Variants in F5 observed in about 807,000 individuals in gnomAD.
F5 encodes activated protein c cofactor.
Under a neutral mutation model 216.4 loss-of-function variants are expected in F5, and 138 were observed. The observed-to-expected ratio is 0.64, with a 90% CI of 0.56 to 0.73. The LOEUF is 0.73. Among genes scored for constraint, F5 ranks in the 30% least tolerant of loss-of-function variants. The pLI, the probability that F5 is intolerant of heterozygous loss-of-function variation, is 0.00. For synonymous variants in F5, 916 were observed against 930.7 expected, an observed-to-expected ratio of 0.98 and a Z score of 0.29; for missense variants, 2,403 against 2,674.0, an observed-to-expected ratio of 0.90 and a Z score of 2.24.
At chr1:169,522,242 C>T (rs1659327207) in intron 21 of F5, among the ~76,000 whole-genome samples, 2 of 152,062 alleles carry the variant, frequency 1.3e-5, no homozygotes, top group Admixed American at 1.3e-4. Context: ...ACTAGTGATT[C>T]CTACCAAATA....
chr1:169,520,375 A>C, intron 22 of F5, 145 bp downstream of exon 22: 1 of 966,376 alleles, frequency 1.0e-6, no homozygotes, highest in Non-Finnish European at 1.6e-6. Flanking sequence ...CTGAGAGTTT[A>C]CCTGAGTAGA....
chr1:169,524,901 C>G lies in F5; in HGVS notation c.5724G>C (p.Arg1908Ser). 1.9e-6 allele frequency: 3 copies of G among 1,613,120 alleles called. No individual in the cohort carries two copies. The highest frequency in any genetic ancestry group is 2.5e-6 in the Non-Finnish European group (3 of 1,179,318). The change falls in exon 19 of 25, where the codon AGG becomes AGC. Residue 1908 changes from arginine (R) to serine (S), a missense_variant. This residue lies in a region of F5 where 659 missense variants were observed against 787.9 expected (regional missense o/e 0.84). Coordinates refer to ENST00000367797, the MANE Select transcript of F5 (RefSeq NM_000130.5). ...TACCAGTGCTTAGTCCCATTGGCAT[C>G]CTACAGTCTATGAAAAACAGAAAAA... The part of the protein sequence containing the change: ...TPFLIMDRDC[R>S]MPMGLSTGII...
chr1:169,550,850 TAC>T, intron 8 of F5, 111 bp from the exon 9 acceptor site: 1 of 784,466 alleles, frequency 1.3e-6, no homozygotes, highest in Non-Finnish European at 2.2e-6. Flanking sequence ...TATACATGTG[TAC>T]ACACAGTAGG....
intron 15 of F5, among the ~76,000 whole-genome samples, chr1:169,530,530 G>T (rs1011628359): frequency 6.6e-6 from 1 of 152,148 alleles, no homozygotes; most frequent in Non-Finnish European, 1.5e-5. Context: ...GTAAATGTAG[G>T]CATTCTAATT....
At chr1:169,538,744 T>C (rs1557571) in intron 13 of F5, among the ~76,000 whole-genome samples, 8,354 of 152,200 alleles carry the variant, frequency 0.055, 355 homozygotes, top group Admixed American at 0.1. Flanking sequence ...GACAAAATTA[T>C]AGAAATGGAG....
intron 21 of F5, among the ~76,000 whole-genome samples, chr1:169,521,546 T>C (rs1659306773): frequency 6.6e-6 from 1 of 151,444 alleles, no homozygotes; most frequent in Admixed American, 6.6e-5. Context: ...TTGGAGCAGG[T>C]ATCGGTAATA....
At position 169,514,392 on chromosome 1, in the gene F5, C is replaced by A; in HGVS notation, c.6596G>T (p.Arg2199Met). The A allele has an allele frequency of 6.2e-7, 1 of 1,613,248 alleles. No homozygotes were observed. Among genetic ancestry groups the A allele is most frequent in the Non-Finnish European group, 8.5e-7 (1 of 1,179,492 alleles). Reference protein sequence around the residue: ...KNFFNPPIISRFIRVIPKTWN... With the variant: ...KNFFNPPIISMFIRVIPKTWN... Reference sequence around the variant, plus strand: ...TGTTTTAGGAATGACACGGATAAACCTGGAAATGATTGGGGGGTTGAAAAA... The same window carrying A: ...TGTTTTAGGAATGACACGGATAAACATGGAAATGATTGGGGGGTTGAAAAA... The change falls in exon 25 of 25, where the codon AGG becomes ATG. Residue 2199 changes from arginine to methionine, a missense_variant. Arg to Met is a moderately conservative substitution (Grantham distance 91). This residue lies in a region of F5 where 659 missense variants were observed against 787.9 expected (regional missense o/e 0.84). Coordinates refer to ENST00000367797, the MANE Select transcript of F5 (RefSeq NM_000130.5).
chr1:169,565,795 T>C (rs1660585723), intron 3 of F5, among the ~76,000 whole-genome samples: 2 of 152,042 alleles, frequency 1.3e-5, no homozygotes, highest in Admixed American at 1.3e-4. Flanking sequence ...GTTTGTGAAC[T>C]TTGCGCTAGC....
intron 1 of F5, among the ~76,000 whole-genome samples, chr1:169,583,782 TG>T (rs1183695576): frequency 3.3e-5 from 5 of 152,218 alleles, no homozygotes; most frequent in African/African-American, 1.2e-4. Context: ...ATACAGAAAC[TG>T]TGTTAATATG....
chr1:169,552,769 C>G (rs983631606), intron 7 of F5, 35 bp from the exon 8 acceptor site: 4 of 1,496,200 alleles, frequency 2.7e-6, no homozygotes, highest in African/African-American at 2.8e-5. Flanking sequence ...AAACCACTTT[C>G]TCAAATAGAG....
At position 169,513,197 on chromosome 1, in the gene F5, C is replaced by T. The variant is rs1391811784; in HGVS notation, c.*1116G>A. ...TACATAACATTTTGATATATGTACA[C>T]GTTACAGGATGATTAAATCAAGCTA... On this transcript the variant is annotated 3_prime_UTR_variant, in exon 25 of 25. Coordinates refer to ENST00000367797, the MANE Select transcript of F5 (RefSeq NM_000130.5). 1.3e-5 allele frequency among the ~76,000 whole-genome samples: 2 copies of T among 151,904 alleles called. No individual in the cohort carries two copies. Among genetic ancestry groups the T allele is most frequent in the African/African-American group, 4.8e-5 (2 of 41,360 alleles).
intron 12 of F5, among the ~76,000 whole-genome samples, chr1:169,543,608 A>C (rs549667901): frequency 1.3e-5 from 2 of 152,194 alleles, no homozygotes; most frequent in Non-Finnish European, 2.9e-5. Context: ...AGACATTTAG[A>C]TGTTTCTAAG....
intron 2 of F5, among the ~76,000 whole-genome samples, chr1:169,572,724 C>A (rs9332521): frequency 0.016 from 2,467 of 152,268 alleles, 66 homozygotes; most frequent in African/African-American, 0.056. Context: ...ATTTCTCTGA[C>A]ATGGGTGTGC....
In F5 at chr1:169,513,504, C is replaced by A. The variant is rs1571554030; in HGVS notation, c.*809G>T. ...AAACTTTAACTGCTTGCCAGTTTGG[C>A]CAGAGGTCTCTTTGAGCAGGAACAA... On this transcript the variant is annotated 3_prime_UTR_variant, in exon 25 of 25. Transcript: ENST00000367797. 6.6e-6 allele frequency among the ~76,000 whole-genome samples: 1 copy of A among 152,098 alleles called. No individual in the cohort carries two copies. Among genetic ancestry groups the A allele is most frequent in the African/African-American group, 2.4e-5 (1 of 41,412 alleles).
intron 13 of F5, among the ~76,000 whole-genome samples, chr1:169,539,548 A>T (rs1659785429): frequency 6.6e-6 from 1 of 152,232 alleles, no homozygotes; most frequent in Non-Finnish European, 1.5e-5. Context: ...TCTAATGTGG[A>T]GATGTCAGGC....
intron 3 of F5, among the ~76,000 whole-genome samples, chr1:169,562,429 T>C (rs1660504856): frequency 6.6e-6 from 1 of 152,152 alleles, no homozygotes; most frequent in Admixed American, 6.6e-5. Flanking sequence ...TTCAATCTTA[T>C]TTGTTTCTTA....
rs1659837986 is a variant in F5 at position 169,541,204 on chromosome 1, G to C, written c.3886C>G (p.Pro1296Ala). The change falls in exon 13 of 25, where the codon CCA becomes GCA. Residue 1296 changes from proline (P) to alanine (A), a missense_variant. Physicochemically the swap from Pro to Ala is conservative, Grantham distance 27. Around this residue, in one of 4 missense-constraint regions of F5, gnomAD observed 26 missense variants for 60.6 expected, o/e 0.43. Transcript: ENST00000367797. Reference sequence around the variant, plus strand: ...GAGAGAGTCATATGGCTGAGTTCTGGAGAGAGGTTTGTCTGGCTGAAGTCT... The same window carrying C: ...GAGAGAGTCATATGGCTGAGTTCTGCAGAGAGGTTTGTCTGGCTGAAGTCT... The part of the protein sequence containing the change: ...SLDFSQTNLS[P>A]ELSHMTLSPE... 1 of 1,592,174 alleles carries C rather than the reference G, an allele frequency of 6.3e-7. No individual in the cohort carries two copies. Among genetic ancestry groups the C allele is most frequent in the Middle Eastern group, 1.7e-4 (1 of 5,976 alleles).
Position 169,543,020 on chromosome 1 carries a change from TTCA to T in F5, c.2067_2069del (p.Asp689del), listed in dbSNP as rs771330171. 13 of 1,613,934 alleles carry T rather than the reference TTCA, an allele frequency of 8.1e-6. No homozygotes were observed. The East Asian group carries it at 2.9e-4, about 36-fold the overall frequency. On this transcript the variant is annotated inframe_deletion, in exon 13 of 25. Coordinates refer to ENST00000367797, the MANE Select transcript of F5 (RefSeq NM_000130.5). ...GAGGTTCAAAAATCTCATATGAGTCTTCATCATCATCTGGGATACATTTAACAT... is the reference window on the plus strand; with the variant it reads ...GAGGTTCAAAAATCTCATATGAGTCTTCATCATCTGGGATACATTTAACAT...
Position 169,586,321 on chromosome 1 carries a change from C to G in F5, c.66G>C (p.Gly22=). 6.2e-7 allele frequency: 1 copy of G among 1,614,050 alleles called. No homozygotes were observed. The highest frequency in any genetic ancestry group is 8.5e-7 in the Non-Finnish European group (1 of 1,180,008). Residue 22 remains glycine, a synonymous_variant, in exon 1 of 25, where the codon GGG becomes GGC. Transcript: ENST00000367797. ...GCTGTGCCGCTTCTGTCCCTTGGCT[C>G]CCCCAGCCTACCCAGCTGGTGCCCA... ...VVLGTSWVGW[G]SQGTEAAQLR...
Sources: allele counts gnomAD v4.1 joint callset (sites outside exome capture counted in the v4.1 genomes callset), GRCh38; gene constraint gnomAD v4.1.1; regional missense constraint gnomAD v4.1.1; transcripts MANE v1.5; gene names NCBI Gene and HGNC (gene_info 2026-07-23, HGNC 2026-07-21).